The following AKAP9 variants were observed in gnomAD, a reference collection of about 807,000 sequenced individuals.
The protein encoded by AKAP9 is A-kinase anchoring protein 9.
In AKAP9, 311 loss-of-function variants were observed where a neutral mutation model predicts 488.5. The ratio of observed to expected loss-of-function variants is 0.64; its 90% confidence interval spans 0.58 to 0.70. The LOEUF (loss-of-function observed/expected upper bound fraction) is 0.70, where lower values mean the gene tolerates loss of function less well. Ranked by LOEUF, AKAP9 falls within the 30% of genes least tolerant of loss-of-function variation. The pLI is 0.00. For missense variants in AKAP9, 4,215 were observed against 4,374.5 expected, an observed-to-expected ratio of 0.96 and a Z score of 1.03; for synonymous variants, 1,462 against 1,483.5, an observed-to-expected ratio of 0.99 and a Z score of 0.33.
intron 14 of AKAP9, among the ~76,000 whole-genome samples, chr7:92,028,639 A>C (rs17674478): frequency 0.021 from 3,138 of 152,352 alleles, 44 homozygotes; most frequent in Non-Finnish European, 0.029. Flanking sequence ...CTTCTCAAAA[A>C]TAAAGACATA....
At chr7:92,016,019 AT>A (rs972496313) in intron 10 of AKAP9, 109 bp from the exon 11 acceptor site, 14 of 822,834 alleles carry the variant, frequency 1.7e-5, no homozygotes, top group Non-Finnish European at 2.4e-5. Flanking sequence ...TTTCTTAATT[AT>A]TTTTGTGTGC....
intron 1 of AKAP9, among the ~76,000 whole-genome samples, chr7:91,958,148 A>T (rs1793290113): frequency 6.6e-6 from 1 of 152,230 alleles, no homozygotes; most frequent in South Asian, 2.1e-4. Context: ...TGGATACCTG[A>T]TGTCCATCAA....
chr7:92,018,865 C>T (rs751546252), intron 12 of AKAP9, among the ~76,000 whole-genome samples: 1 of 152,158 alleles, frequency 6.6e-6, no homozygotes, highest in Admixed American at 6.5e-5. Context: ...TCAGATATCT[C>T]TACTCAAAAA....
chr7:92,012,698 C>A, intron 9 of AKAP9, 56 bp downstream of exon 9: 1 of 1,402,980 alleles, frequency 7.1e-7, no homozygotes, highest in Non-Finnish European at 1.0e-6. Flanking sequence ...TGGATAGAGC[C>A]CACCATTCTA....
Position 92,002,841 on chromosome 7 carries a change from T to A in AKAP9, c.2924T>A (p.Phe975Tyr). 2.5e-6 allele frequency: 4 copies of A among 1,613,474 alleles called. No individual in the cohort carries two copies. Among genetic ancestry groups the A allele is most frequent in the Non-Finnish European group, 3.4e-6 (4 of 1,179,672 alleles). Residue 975 changes from phenylalanine (F) to tyrosine (Y), a missense_variant, in exon 8 of 50, where the codon TTT becomes TAT. Physicochemically the swap from Phe to Tyr is conservative, Grantham distance 22. Around this residue, in one of 5 missense-constraint regions of AKAP9, gnomAD observed 2,361 missense variants for 2,430.0 expected, o/e 0.97. Transcript: ENST00000356239. ...AAACAGAAACATGGTGAGATTAGTT[T>A]TCTAAATGAAGAAGTTAAATCTTTA... ...QLKQKHGEIS[F>Y]LNEEVKSLKQ...
chr7:92,100,033 G>A (rs1817262790), intron 44 of AKAP9, 164 bp downstream of exon 44: 1 of 619,972 alleles, frequency 1.6e-6, no homozygotes, highest in African/African-American at 1.8e-5. Context: ...TTATTACTAA[G>A]TTATAATAAT....
rs759786445 is a variant in AKAP9, at chr7:92,077,582, G to A, written c.6766-114G>A. The stretch of plus-strand genomic sequence containing the variant: ...AATTATTGATTTACAGTAACCATAT[G>A]GTGTCTCTGATTTTATTCATTTGTA... On this transcript the variant is annotated intron_variant, in intron 29 of 49. Transcript: ENST00000356239. The A allele has an allele frequency of 1.6e-5, 14 of 901,726 alleles. No homozygotes were observed. The East Asian group carries it at 3.0e-4, about 19-fold the overall frequency. The allele number at this position is 901,726 out of a possible 1,614,324, so 55.9% of individuals were successfully genotyped here. A position where few individuals can be genotyped will look rare whatever the true frequency, so the allele number is the denominator to read the frequency against.
intron 28 of AKAP9, among the ~76,000 whole-genome samples, chr7:92,076,196 A>T (rs1236113794): frequency 6.6e-6 from 1 of 152,228 alleles, no homozygotes; most frequent in Non-Finnish European, 1.5e-5. Flanking sequence ...ACCATCAAAA[A>T]GCAGTTGCTT....
chr7:92,029,117 TC>T (rs1163930726), intron 14 of AKAP9, among the ~76,000 whole-genome samples: 4 of 150,406 alleles, frequency 2.7e-5, no homozygotes, highest in Admixed American at 2.6e-4. Context: ...TATAATTTGC[TC>T]CTTTTTTTTT....
chr7:92,005,528 A>G (rs891252345), intron 8 of AKAP9, among the ~76,000 whole-genome samples: 8 of 152,206 alleles, frequency 5.3e-5, no homozygotes, highest in African/African-American at 1.9e-4. Context: ...TTCTCTTTTT[A>G]TTCCTAAATA....
At chr7:92,064,104 A>G (rs1810370650) in intron 24 of AKAP9, among the ~76,000 whole-genome samples, 1 of 152,154 alleles carries the variant, frequency 6.6e-6, no homozygotes, top group African/African-American at 2.4e-5. Context: ...TTAAGAAACC[A>G]TTTAACAAAT....
Position 92,002,684 on chromosome 7 carries a change from T to A in AKAP9, c.2767T>A (p.Phe923Ile). 4 of 1,613,448 alleles carry A rather than the reference T, an allele frequency of 2.5e-6. No individual in the cohort carries two copies. The highest frequency in any genetic ancestry group is 2.5e-6 in the Non-Finnish European group (3 of 1,179,652). Residue 923 changes from phenylalanine (F) to isoleucine (I), a missense_variant, in exon 8 of 50, where the codon TTT (phenylalanine) becomes ATT (isoleucine). Phe to Ile is a conservative substitution (Grantham distance 21). This residue lies in a region of AKAP9 where 2,361 missense variants were observed against 2,430.0 expected (regional missense o/e 0.97). Coordinates refer to ENST00000356239, the MANE Select transcript of AKAP9 (RefSeq NM_005751.5). ...TTCTGTCTTTGATGAAGACAAAACT[T>A]TTGTAGCAGAAACATTGGAAATGGG... The part of the protein sequence containing the change: ...KSSVFDEDKT[F>I]VAETLEMGEV...
intron 2 of AKAP9, among the ~76,000 whole-genome samples, chr7:91,976,388 A>T (rs562396752): frequency 1.3e-5 from 2 of 152,078 alleles, no homozygotes; most frequent in East Asian, 3.9e-4. Context: ...CACCTAGCTA[A>T]TTTGTGTATT....
In AKAP9 at chr7:92,031,597, T is replaced by C. The variant is rs762794527; in HGVS notation, c.4331T>C (p.Val1444Ala). 37 of 1,600,992 alleles carry C rather than the reference T, an allele frequency of 2.3e-5. No individual in the cohort carries two copies. The highest frequency in any genetic ancestry group is 2.7e-5 in the Non-Finnish European group (32 of 1,168,630). ...TACCAAGAACAATTAGAAGAAGAAG[T>C]AGCTAAGGTAGGCTTATAGCTTATC... ...KQYQEQLEEE[V>A]AKVIVSMSIA... The change falls in exon 16 of 50, where the codon GTA becomes GCA. Residue 1444 changes from valine (V) to alanine (A), a missense_variant. Val to Ala is a moderately conservative substitution (Grantham distance 64). This residue lies in a region of AKAP9 where 2,361 missense variants were observed against 2,430.0 expected (regional missense o/e 0.97). Coordinates refer to ENST00000356239, the MANE Select transcript of AKAP9 (RefSeq NM_005751.5).
At position 92,001,301 on chromosome 7, in the gene AKAP9, G is replaced by T. The variant is rs1799149387; in HGVS notation, c.1384G>T (p.Glu462Ter). Residue 462 changes from glutamate to a stop codon, truncating the protein, a stop_gained, in exon 8 of 50, where the codon GAA becomes TAA. Coordinates refer to ENST00000356239, the MANE Select transcript of AKAP9 (RefSeq NM_005751.5). LOFTEE classifies it high-confidence loss of function. ...LIRQHMAQME[E>*]MKTRHKGEME... The stretch of plus-strand genomic sequence containing the variant: ...AAGACAACACATGGCACAGATGGAG[G>T]AAATGAAAACACGGCATAAGGGAGA... 6.2e-7 allele frequency: 1 copy of T among 1,613,828 alleles called. No homozygotes were observed. The highest frequency in any genetic ancestry group is 8.5e-7 in the Non-Finnish European group (1 of 1,179,914).
rs1255008304 is a variant in AKAP9, at chr7:92,019,744, A to G, written c.3838-2494A>G. Among the ~76,000 whole-genome samples the G allele has an allele frequency of 4.6e-5, 7 of 152,116 alleles. No individual in the cohort carries two copies. In the East Asian group the frequency reaches 9.7e-4, roughly 21 times the overall value. On this transcript the variant is annotated intron_variant, in intron 12 of 49. Transcript: ENST00000356239. ...AATGTAAGGCCGGGCATGGTGGCTCATACCTGCAATCCCAGCACTTTAGTT... is the reference window on the plus strand; with the variant it reads ...AATGTAAGGCCGGGCATGGTGGCTCGTACCTGCAATCCCAGCACTTTAGTT...
At chr7:92,014,962 T>C (rs1801307243) in intron 10 of AKAP9, among the ~76,000 whole-genome samples, 1 of 152,182 alleles carries the variant, frequency 6.6e-6, no homozygotes, top group African/African-American at 2.4e-5. Context: ...ATGGCACCCA[T>C]CTTTCTGGGT....
intron 41 of AKAP9, 22 bp from the exon 42 acceptor site, chr7:92,097,564 T>C (rs1227004072): frequency 6.2e-7 from 1 of 1,609,790 alleles, no homozygotes. Context: ...TATTGTTTTC[T>C]TATTCTGTCC....
chr7:91,951,001 A>G (rs1792172561), intron 1 of AKAP9, among the ~76,000 whole-genome samples: 1 of 152,108 alleles, frequency 6.6e-6, no homozygotes, highest in African/African-American at 2.4e-5. Context: ...ATATCTGAGC[A>G]TTTCTAATGA....
Sources: gnomAD v4.1 joint callset for allele counts (sites outside exome capture counted in the v4.1 genomes callset) on GRCh38, gnomAD v4.1.1 for gene constraint, gnomAD v4.1.1 regional missense constraint, MANE v1.5 for transcripts, NCBI Gene and HGNC (gene_info 2026-07-23, HGNC 2026-07-21) for gene names.